Variants in CNTN3 observed in about 807,000 individuals in gnomAD.
The protein encoded by CNTN3 is contactin 3.
CNTN3 carries 60 observed loss-of-function variants against 119.1 expected under a neutral mutation model. The observed-to-expected ratio is 0.50, with a 90% CI of 0.41 to 0.62. The LOEUF is 0.62. Among genes scored for constraint, CNTN3 ranks in the 20% least tolerant of loss-of-function variants. The probability of loss-of-function intolerance (pLI) is 0.00; values close to 1 mark genes in which losing one functional copy is unlikely to be tolerated. For synonymous variants in CNTN3, 450 were observed against 438.7 expected (o/e 1.03, Z -0.32); for missense variants, 1,101 against 1,242.4 (o/e 0.89, Z 1.71).
At chr3:74,361,418 T>C (rs1362108844) in intron 11 of CNTN3, among the ~76,000 whole-genome samples, 1 of 152,214 alleles carries the variant, frequency 6.6e-6, no homozygotes, top group African/African-American at 2.4e-5. Flanking sequence ...TCCTGCTTCT[T>C]CATCTCAGTG....
intron 4 of CNTN3, among the ~76,000 whole-genome samples, chr3:74,428,459 CGT>C (rs1491039918): frequency 6.6e-6 from 1 of 151,570 alleles, no homozygotes; most frequent in Non-Finnish European, 1.5e-5. Flanking sequence ...CCTAGGTTAA[CGT>C]GTGTTTTTAA....
chr3:74,381,100 A>G (rs895458544), intron 5 of CNTN3, among the ~76,000 whole-genome samples: 2 of 150,688 alleles, frequency 1.3e-5, no homozygotes, highest in Admixed American at 1.3e-4. Context: ...ACACACACAC[A>G]CGCACACATA....
At chr3:74,509,652 A>C (rs1212470261) in intron 2 of CNTN3, among the ~76,000 whole-genome samples, 1 of 152,092 alleles carries the variant, frequency 6.6e-6, no homozygotes, top group Non-Finnish European at 1.5e-5. Context: ...TAAGTAACCC[A>C]CAGGGCTGGA....
chr3:74,367,172 C>T (rs1381921996), intron 8 of CNTN3, among the ~76,000 whole-genome samples: 1 of 151,894 alleles, frequency 6.6e-6, no homozygotes, highest in Non-Finnish European at 1.5e-5. Context: ...ATGGCCTCTA[C>T]TTAATATATT....
At chr3:74,511,999 C>T (rs1473000521) in intron 2 of CNTN3, among the ~76,000 whole-genome samples, 1 of 152,062 alleles carries the variant, frequency 6.6e-6, no homozygotes, top group Non-Finnish European at 1.5e-5. Flanking sequence ...TAGCTTTAGG[C>T]AAGTCATTTA....
At chr3:74,331,770 G>T (rs1703269942) in intron 13 of CNTN3, among the ~76,000 whole-genome samples, 1 of 152,082 alleles carries the variant, frequency 6.6e-6, no homozygotes, top group Non-Finnish European at 1.5e-5. Flanking sequence ...TTTGTGATGT[G>T]CCAATTTGTT....
intron 4 of CNTN3, among the ~76,000 whole-genome samples, chr3:74,483,030 C>A (rs1702790748): frequency 6.6e-6 from 1 of 152,180 alleles, no homozygotes; most frequent in Admixed American, 6.6e-5. Context: ...TCTTTCCAGT[C>A]CAATGTGGTG....
intron 1 of CNTN3, among the ~76,000 whole-genome samples, chr3:74,542,445 G>T (rs878857434): frequency 6.6e-6 from 1 of 152,072 alleles, no homozygotes; most frequent in South Asian, 2.1e-4. Flanking sequence ...TAGTACTAGG[G>T]AGATTTTTCA....
intron 13 of CNTN3, among the ~76,000 whole-genome samples, chr3:74,313,492 A>G (rs1350412399): frequency 6.6e-6 from 1 of 152,202 alleles, no homozygotes; most frequent in Non-Finnish European, 1.5e-5. Context: ...CACTTTTTCC[A>G]TAGAGAGGTG....
intron 1 of CNTN3, among the ~76,000 whole-genome samples, chr3:74,589,783 A>G (rs910201726): frequency 6.6e-6 from 1 of 151,672 alleles, no homozygotes; most frequent in African/African-American, 2.4e-5. Context: ...AGCCATAAAA[A>G]ATGATGAGTT....
At chr3:74,463,898 G>T (rs887133755) in intron 4 of CNTN3, among the ~76,000 whole-genome samples, 3 of 152,078 alleles carry the variant, frequency 2.0e-5, no homozygotes, top group African/African-American at 7.2e-5. Context: ...ATAAATGGTG[G>T]TTAGTAGCCA....
intron 11 of CNTN3, among the ~76,000 whole-genome samples, chr3:74,357,116 C>G (rs943376952): frequency 6.6e-6 from 1 of 151,902 alleles, no homozygotes; most frequent in African/African-American, 2.4e-5. Flanking sequence ...TTAGTACAGA[C>G]AGGGTTTCAC....
intron 20 of CNTN3, among the ~76,000 whole-genome samples, chr3:74,279,929 A>G (rs1701967162): frequency 6.6e-6 from 1 of 152,154 alleles, no homozygotes; most frequent in Non-Finnish European, 1.5e-5. Context: ...AAAAAATAGA[A>G]TGACTAAGAC....
In CNTN3 at chr3:74,499,702, T is replaced by C; in HGVS notation, c.139A>G (p.Thr47Ala). 1 of 1,611,754 alleles carries C rather than the reference T, an allele frequency of 6.2e-7. No individual in the cohort carries two copies. Among genetic ancestry groups the C allele is most frequent in the East Asian group, 2.2e-5 (1 of 44,750 alleles). Reference protein sequence around the residue: ...FPVGSEDKKITLHCEARGNPS... With the variant: ...FPVGSEDKKIALHCEARGNPS... Reference sequence around the variant, plus strand: ...TTGCCTCTTGCTTCACAATGCAAAGTTATTTTTTTATCTTCTGAACCAACA... The same window carrying C: ...TTGCCTCTTGCTTCACAATGCAAAGCTATTTTTTTATCTTCTGAACCAACA... The change falls in exon 3 of 23, where the codon ACT (threonine) becomes GCT (alanine). Residue 47 changes from threonine to alanine, a missense_variant. By Grantham distance (58) the Thr-to-Ala change is moderately conservative. Coordinates refer to ENST00000263665, the MANE Select transcript of CNTN3 (RefSeq NM_020872.3).
intron 5 of CNTN3, among the ~76,000 whole-genome samples, chr3:74,377,662 T>C (rs1559571417): frequency 6.6e-6 from 1 of 152,194 alleles, no homozygotes; most frequent in Non-Finnish European, 1.5e-5. Context: ...CAATGCTATG[T>C]GAATACTAGG....
intron 4 of CNTN3, 92 bp downstream of exon 4, chr3:74,486,361 ACCC>A (rs2107043295): frequency 9.1e-7 from 1 of 1,094,724 alleles, no homozygotes; most frequent in African/African-American, 1.6e-5. Context: ...AATTAATAAA[ACCC>A]ATGTATTATT....
At chr3:74,327,432 T>C (rs2106690523) in intron 13 of CNTN3, among the ~76,000 whole-genome samples, 1 of 152,262 alleles carries the variant, frequency 6.6e-6, no homozygotes, top group East Asian at 1.9e-4. Flanking sequence ...CTGGAAGGGT[T>C]AATCTTTGAA....
At chr3:74,318,760 G>T (rs1292048712) in intron 13 of CNTN3, among the ~76,000 whole-genome samples, 2 of 152,126 alleles carry the variant, frequency 1.3e-5, no homozygotes, top group African/African-American at 2.4e-5. Flanking sequence ...GTGTCAGTCT[G>T]CCCCTACTGG....
intron 4 of CNTN3, among the ~76,000 whole-genome samples, chr3:74,448,773 A>G (rs1702093504): frequency 6.6e-6 from 1 of 152,150 alleles, no homozygotes; most frequent in African/African-American, 2.4e-5. Flanking sequence ...AGAGTCTACC[A>G]GAATGGTCCA....
Sources: gnomAD v4.1 joint callset for allele counts (sites outside exome capture counted in the v4.1 genomes callset) on GRCh38, gnomAD v4.1.1 for gene constraint, MANE v1.5 for transcripts, NCBI Gene and HGNC (gene_info 2026-07-23, HGNC 2026-07-21) for gene names.